The following SGIP1 variants were observed in gnomAD, a reference collection of about 807,000 sequenced individuals.
SGIP1 encodes SH3-containing GRB2-like protein 3-interacting protein 1.
SGIP1 carries 38 observed loss-of-function variants against 107.5 expected under a neutral mutation model. The ratio of observed to expected loss-of-function variants is 0.35; its 90% CI spans 0.27 to 0.46. The LOEUF is 0.46. SGIP1 is among the 20% of genes least tolerant of loss of function. SGIP1 has a pLI of 1.00. For missense variants in SGIP1, 929 were observed against 1,019.5 expected, an observed-to-expected ratio of 0.91 and a Z score of 1.21; for synonymous variants, 365 against 366.1, an observed-to-expected ratio of 1.00 and a Z score of 0.03.
intron 4 of SGIP1, among the ~76,000 whole-genome samples, chr1:66,637,729 A>G (rs928532817): frequency 2.0e-5 from 3 of 151,306 alleles, no homozygotes; most frequent in African/African-American, 7.3e-5. Flanking sequence ...AAAGAAAAAC[A>G]AGTATATATA....
At chr1:66,638,380 G>GA (rs1279930194) in intron 4 of SGIP1, among the ~76,000 whole-genome samples, 3 of 152,112 alleles carry the variant, frequency 2.0e-5, no homozygotes, top group Admixed American at 1.3e-4. Flanking sequence ...GTTCAAAGTA[G>GA]AAAAAATACC....
Position 66,621,981 on chromosome 1 carries a change from T to C in SGIP1, c.11-3866T>C, listed in dbSNP as rs117606247. Among the ~76,000 whole-genome samples the C allele has an allele frequency of 1.5e-4, 23 of 152,364 alleles. No individual in the cohort carries two copies. In the East Asian group the frequency reaches 3.9e-3, roughly 26 times the overall value. ...GAGTCTGAAGGTTTTTGAAGAAATCTGATGTCTCTGTAGGAGCCTGAGTAT... is the reference window on the plus strand; with the variant it reads ...GAGTCTGAAGGTTTTTGAAGAAATCCGATGTCTCTGTAGGAGCCTGAGTAT... On this transcript the variant is annotated intron_variant, in intron 1 of 24. Coordinates refer to ENST00000371037, the MANE Select transcript of SGIP1 (RefSeq NM_032291.4).
intron 18 of SGIP1, among the ~76,000 whole-genome samples, chr1:66,717,264 C>T (rs1200255826): frequency 6.6e-6 from 1 of 152,158 alleles, no homozygotes; most frequent in Non-Finnish European, 1.5e-5. Flanking sequence ...TTAGAGAAGC[C>T]ATTCTTCTCC....
At chr1:66,689,393 T>C in intron 16 of SGIP1, 118 bp downstream of exon 16, 1 of 1,318,574 alleles carries the variant, frequency 7.6e-7, no homozygotes, top group Non-Finnish European at 1.0e-6. Context: ...ACAGGTGGCA[T>C]CTGAAAGACA....
chr1:66,640,685 T>C (rs1388169324), intron 5 of SGIP1, among the ~76,000 whole-genome samples: 1 of 152,124 alleles, frequency 6.6e-6, no homozygotes, highest in South Asian at 2.1e-4. Flanking sequence ...CTGGGCCTTA[T>C]TGGCTACACA....
intron 1 of SGIP1, among the ~76,000 whole-genome samples, chr1:66,585,705 G>A (rs553066239): frequency 2.0e-5 from 3 of 152,004 alleles, no homozygotes; most frequent in Non-Finnish European, 4.4e-5. Context: ...GGCGAGGCTG[G>A]TCTTGAGCTC....
chr1:66,706,286 T>C (rs989082377), intron 18 of SGIP1, among the ~76,000 whole-genome samples: 2 of 147,700 alleles, frequency 1.4e-5, no homozygotes, highest in African/African-American at 2.5e-5. Flanking sequence ...ATTTTTAATT[T>C]TGAATATATT....
chr1:66,611,457 T>A (rs1166383883), intron 1 of SGIP1, among the ~76,000 whole-genome samples: 1 of 152,252 alleles, frequency 6.6e-6, no homozygotes, highest in Non-Finnish European at 1.5e-5. Context: ...GGGGAGTGGC[T>A]TCACAGCCAG....
At chr1:66,681,004 T>C (rs989657415) in intron 14 of SGIP1, among the ~76,000 whole-genome samples, 2 of 152,366 alleles carry the variant, frequency 1.3e-5, no homozygotes, top group Admixed American at 1.3e-4. Flanking sequence ...TATGCTAATA[T>C]TTTAGCAAAA....
chr1:66,672,325 T>A (rs967191231), intron 11 of SGIP1, among the ~76,000 whole-genome samples: 1 of 152,142 alleles, frequency 6.6e-6, no homozygotes. Context: ...TATATTACCC[T>A]ACGAAAAGAA....
At chr1:66,627,843 C>T (rs924048832) in intron 2 of SGIP1, among the ~76,000 whole-genome samples, 1 of 151,932 alleles carries the variant, frequency 6.6e-6, no homozygotes, top group East Asian at 1.9e-4. Context: ...TGGTGTGCTG[C>T]ATCCATTAAC....
intron 14 of SGIP1, 55 bp downstream of exon 14, chr1:66,679,807 C>T (rs138080668): frequency 1.9e-5 from 28 of 1,451,348 alleles, no homozygotes; most frequent in African/African-American, 1.2e-4. Context: ...GCAGTGGCCC[C>T]GGATGAACAT....
intron 1 of SGIP1, among the ~76,000 whole-genome samples, chr1:66,604,974 A>G (rs570530260): frequency 6.6e-6 from 1 of 152,214 alleles, no homozygotes; most frequent in Non-Finnish European, 1.5e-5. Context: ...TTGACTAAAT[A>G]GTCACCATGT....
chr1:66,574,983 T>A (rs769394933), intron 1 of SGIP1, among the ~76,000 whole-genome samples: 2 of 152,226 alleles, frequency 1.3e-5, no homozygotes, highest in Admixed American at 6.5e-5. Context: ...CCAAAATAGA[T>A]TTAACCTTAT....
chr1:66,604,546 G>T (rs1170091864), intron 1 of SGIP1, among the ~76,000 whole-genome samples: 2 of 152,134 alleles, frequency 1.3e-5, no homozygotes, highest in African/African-American at 4.8e-5. Flanking sequence ...CCATTGCTTT[G>T]TTATGTGACC....
chr1:66,688,098 G>C (rs540993880), intron 15 of SGIP1, among the ~76,000 whole-genome samples: 1 of 152,094 alleles, frequency 6.6e-6, no homozygotes, highest in Non-Finnish European at 1.5e-5. Context: ...TGTTGTTTGG[G>C]AGGTGGTAAG....
chr1:66,691,326 T>C (rs1338057199), intron 17 of SGIP1, among the ~76,000 whole-genome samples: 1 of 152,148 alleles, frequency 6.6e-6, no homozygotes, highest in Non-Finnish European at 1.5e-5. Flanking sequence ...GAAGCTCTTC[T>C]GGAGAAAGAA....
chr1:66,695,195 C>G (rs1423527880), intron 17 of SGIP1: 1 of 770,338 alleles, frequency 1.3e-6, no homozygotes, highest in Admixed American at 3.0e-5. Flanking sequence ...AAGCGACCAC[C>G]AACACATTCC....
In SGIP1 at chr1:66,664,007, C is replaced by G. The variant is rs186107798; in HGVS notation, c.471+3483C>G. Among the ~76,000 whole-genome samples, 207 of 152,210 alleles carry G rather than the reference C, an allele frequency of 1.4e-3. 1 individual carries two copies. Among genetic ancestry groups the G allele is most frequent in the African/African-American group, 4.9e-3 (204 of 41,554 alleles). ...TGCTTGCAATCTAGACTCTATTTTTCATATTTCTCATAATTTCATCTTGGG... is the reference window on the plus strand; with the variant it reads ...TGCTTGCAATCTAGACTCTATTTTTGATATTTCTCATAATTTCATCTTGGG... On this transcript the variant is annotated intron_variant, in intron 8 of 24. Coordinates refer to ENST00000371037, the MANE Select transcript of SGIP1 (RefSeq NM_032291.4).
Sources: gnomAD v4.1 joint callset for allele counts (sites outside exome capture counted in the v4.1 genomes callset) on GRCh38, gnomAD v4.1.1 for gene constraint, MANE v1.5 for transcripts, NCBI Gene and HGNC (gene_info 2026-07-23, HGNC 2026-07-21) for gene names.